The following CACNB2 variants were observed in gnomAD, a reference collection of about 807,000 sequenced individuals.
CACNB2 encodes the protein calcium voltage-gated channel auxiliary subunit beta 2, also known as voltage-dependent L-type calcium channel subunit beta-2.
CACNB2 carries 42 observed loss-of-function variants against 73.3 expected under a neutral mutation model. The ratio of observed to expected loss-of-function variants is 0.57; its 90% CI spans 0.45 to 0.74. The LOEUF is 0.74. Ranked by LOEUF, CACNB2 falls within the 30% of genes least tolerant of loss-of-function variation. The pLI is 0.00. For missense variants in CACNB2, 940 were observed against 853.0 expected, an observed-to-expected ratio of 1.10 and a Z score of -1.27; for synonymous variants, 348 against 310.3, an observed-to-expected ratio of 1.12 and a Z score of -1.28.
At chr10:18,318,169 C>G (rs2040264993) in intron 2 of CACNB2, among the ~76,000 whole-genome samples, 1 of 152,286 alleles carries the variant, frequency 6.6e-6, no homozygotes, top group Non-Finnish European at 1.5e-5. Flanking sequence ...ATAGTCAAAA[C>G]AGTCCTAGGC....
Position 18,401,983 on chromosome 10 carries a change from C to T in CACNB2, c.273C>T (p.Asp91=), listed in dbSNP as rs147650257. Reference sequence around the variant, plus strand: ...ATTCCGATGTATCTCTGGAGGAGGACCGGGAGGCAGTGCGCAGAGAAGCGG... The same window carrying T: ...ATTCCGATGTATCTCTGGAGGAGGATCGGGAGGCAGTGCGCAGAGAAGCGG... ...PSDSDVSLEE[D]REAVRREAER... is the part of the protein sequence containing the mutation. Residue 91 remains aspartate, a synonymous_variant, in exon 3 of 14, where the codon GAC becomes GAT. Coordinates refer to ENST00000324631, the MANE Select transcript of CACNB2 (RefSeq NM_201596.3). The T allele has an allele frequency of 1.2e-6, 2 of 1,613,886 alleles. No homozygotes were observed. The highest frequency in any genetic ancestry group is 2.7e-5 in the African/African-American group (2 of 74,910).
rs557447829 is a variant in CACNB2, at chr10:18,308,944, T to C, written c.214-92980T>C. Among the ~76,000 whole-genome samples the C allele has an allele frequency of 3.9e-5, 6 of 152,324 alleles. No homozygotes were observed. In the East Asian group the frequency reaches 7.7e-4, roughly 20 times the overall value. The stretch of plus-strand genomic sequence containing the variant: ...AATGCAATTTTAAAGCAGTCATATT[T>C]GAATACTAACTTCCACTGATTCTCA... On this transcript the variant is annotated intron_variant, in intron 2 of 13. Transcript: ENST00000324631.
At chr10:18,203,836 T>C (rs2034986320) in intron 2 of CACNB2, among the ~76,000 whole-genome samples, 1 of 152,236 alleles carries the variant, frequency 6.6e-6, no homozygotes, top group Non-Finnish European at 1.5e-5. Flanking sequence ...TAGCATTTTA[T>C]AGTCTGTCTT....
intron 2 of CACNB2, among the ~76,000 whole-genome samples, chr10:18,290,139 T>TTTTTTTTTTTTG (rs2039004235): frequency 7.5e-6 from 1 of 132,540 alleles, no homozygotes; most frequent in African/African-American, 3.2e-5. Context: ...TTTTTTTTTT[T>TTTTTTTTTTTTG]GCCTCAGCCT....
intron 2 of CACNB2, among the ~76,000 whole-genome samples, chr10:18,320,383 A>G (rs2040356619): frequency 6.6e-6 from 1 of 152,204 alleles, no homozygotes. Context: ...TAAGTACGAA[A>G]CAAATTTTTT....
intron 2 of CACNB2, among the ~76,000 whole-genome samples, chr10:18,199,422 G>T (rs1443762245): frequency 6.6e-6 from 1 of 152,170 alleles, no homozygotes; most frequent in African/African-American, 2.4e-5. Flanking sequence ...ACCAGAGAAG[G>T]CTTCTGAGCA....
At chr10:18,395,559 A>G (rs1342471139) in intron 2 of CACNB2, among the ~76,000 whole-genome samples, 1 of 152,216 alleles carries the variant, frequency 6.6e-6, no homozygotes, top group Non-Finnish European at 1.5e-5. Context: ...CAGAGTTTCA[A>G]AGTAATAAGT....
chr10:18,486,696 G>A (rs760419193), intron 3 of CACNB2, among the ~76,000 whole-genome samples: 2 of 152,166 alleles, frequency 1.3e-5, no homozygotes, highest in African/African-American at 4.8e-5. Context: ...GCATACGGCA[G>A]TGAGATGAGG....
chr10:18,400,731 C>T, intron 2 of CACNB2: 1 of 1,263,990 alleles, frequency 7.9e-7, no homozygotes, highest in African/African-American at 1.5e-5. Context: ...TTATGAGATG[C>T]ATTAAGTTTA....
chr10:18,539,483 A>C lies in CACNB2; in HGVS notation c.1742A>C (p.His581Pro). ...KEDYSHDHVD[H>P]YASHRDHNHR... is the part of the protein sequence containing the mutation. ...GATTATTCCCATGACCACGTGGACCACTATGCCTCACACCGTGACCACAAC... is the reference window on the plus strand; with the variant it reads ...GATTATTCCCATGACCACGTGGACCCCTATGCCTCACACCGTGACCACAAC... Residue 581 changes from histidine to proline, a missense_variant, in exon 14 of 14, where the codon CAC becomes CCC. Physicochemically the swap from His to Pro is moderately conservative, Grantham distance 77. Coordinates refer to ENST00000324631, the MANE Select transcript of CACNB2 (RefSeq NM_201596.3). The C allele has an allele frequency of 6.2e-7, 1 of 1,614,010 alleles. No individual in the cohort carries two copies. The highest frequency in any genetic ancestry group is 8.5e-7 in the Non-Finnish European group (1 of 1,180,006).
chr10:18,192,183 G>T (rs73593796), intron 2 of CACNB2, among the ~76,000 whole-genome samples: 2,649 of 152,062 alleles, frequency 0.017, 82 homozygotes, highest in African/African-American at 0.058. Context: ...TATAGCTTTG[G>T]ATCAAAGCAC....
intron 9 of CACNB2, among the ~76,000 whole-genome samples, chr10:18,524,862 TAA>T (rs752541857): frequency 1.0e-4 from 12 of 117,364 alleles, no homozygotes; most frequent in Admixed American, 8.9e-5. Flanking sequence ...CTGTTTCTAC[TAA>T]AAAAAAAAAA....
At chr10:18,176,162 A>G (rs894042247) in intron 2 of CACNB2, among the ~76,000 whole-genome samples, 3 of 152,148 alleles carry the variant, frequency 2.0e-5, no homozygotes, top group Non-Finnish European at 2.9e-5. Flanking sequence ...TCACCACACA[A>G]TTGTACCAGT....
chr10:18,466,925 C>T (rs777494969), intron 3 of CACNB2, among the ~76,000 whole-genome samples: 29 of 152,152 alleles, frequency 1.9e-4, no homozygotes, highest in African/African-American at 6.5e-4. Context: ...GAGGCCGAGA[C>T]GGGCGGTTCA....
At chr10:18,262,427 C>T (rs1181374815) in intron 2 of CACNB2, among the ~76,000 whole-genome samples, 1 of 152,058 alleles carries the variant, frequency 6.6e-6, no homozygotes, top group Non-Finnish European at 1.5e-5. Context: ...AAGGTTTTTG[C>T]AGTTGTTACA....
At chr10:18,197,863 T>G (rs2034695779) in intron 2 of CACNB2, among the ~76,000 whole-genome samples, 1 of 150,922 alleles carries the variant, frequency 6.6e-6, no homozygotes, top group Non-Finnish European at 1.5e-5. Context: ...TGGAAATATA[T>G]GAGCTTTGCA....
In CACNB2 at chr10:18,539,481, C is replaced by A. The variant is rs2053933487; in HGVS notation, c.1740C>A (p.Asp580Glu). 1 of 1,613,984 alleles carries A rather than the reference C, an allele frequency of 6.2e-7. No homozygotes were observed. The highest frequency in any genetic ancestry group is 1.3e-5 in the African/African-American group (1 of 75,002). The change falls in exon 14 of 14, where the codon GAC becomes GAA. Residue 580 changes from aspartate (D) to glutamate (E), a missense_variant. Asp to Glu is a conservative substitution (Grantham distance 45, BLOSUM62 2). Transcript: ENST00000324631. ...AAGATTATTCCCATGACCACGTGGACCACTATGCCTCACACCGTGACCACA... is the reference window on the plus strand; with the variant it reads ...AAGATTATTCCCATGACCACGTGGAACACTATGCCTCACACCGTGACCACA... ...PKEDYSHDHV[D>E]HYASHRDHNH...
chr10:18,279,766 C>T (rs1414228866), intron 2 of CACNB2, among the ~76,000 whole-genome samples: 1 of 152,172 alleles, frequency 6.6e-6, no homozygotes, highest in Non-Finnish European at 1.5e-5. Flanking sequence ...AAAAGCCTAG[C>T]TTGAGCTAAA....
At chr10:18,255,740 G>A (rs1564380469) in intron 2 of CACNB2, among the ~76,000 whole-genome samples, 1 of 152,140 alleles carries the variant, frequency 6.6e-6, no homozygotes, top group Non-Finnish European at 1.5e-5. Context: ...TACTGTGAAG[G>A]GAGAGTCTAA....
Sources: allele counts gnomAD v4.1 joint callset (sites outside exome capture counted in the v4.1 genomes callset), GRCh38; gene constraint gnomAD v4.1.1; transcripts MANE v1.5; gene names NCBI Gene and HGNC (gene_info 2026-07-23, HGNC 2026-07-21).